GOLPH3L: variants seen among roughly 807,000 people sequenced by gnomAD.
GOLPH3L encodes golgi phosphoprotein 3 like.
GOLPH3L carries 22 observed loss-of-function variants against 30.3 expected under a neutral mutation model. That is an observed-to-expected ratio of 0.73 (90% CI 0.52 to 1.04). GOLPH3L has a LOEUF of 1.04. GOLPH3L is among the 50% of genes least tolerant of loss of function. The pLI is 0.00. For synonymous variants in GOLPH3L, 120 were observed against 128.2 expected, an observed-to-expected ratio of 0.94 and a Z score of 0.43; for missense variants, 303 against 345.8, an observed-to-expected ratio of 0.88 and a Z score of 0.98.
rs188688423 is a variant in GOLPH3L at position 150,649,496 on chromosome 1, T to C, written c.431-748A>G. ...GTGGAGAGCAATTACAAGGTGCTGC[T>C]AGCTCTATGGCACTGGTATGACAAA... On this transcript the variant is annotated intron_variant, in intron 4 of 4. Coordinates refer to ENST00000271732, the MANE Select transcript of GOLPH3L (RefSeq NM_018178.6). 2.6e-5 allele frequency among the ~76,000 whole-genome samples: 4 copies of C among 152,310 alleles called. No individual in the cohort carries two copies. The East Asian group carries it at 7.7e-4, about 29-fold the overall frequency.
chr1:150,696,151 T>TA (rs750131422), intron 1 of GOLPH3L, among the ~76,000 whole-genome samples: 5 of 152,170 alleles, frequency 3.3e-5, no homozygotes, highest in Admixed American at 6.5e-5. Context: ...CCTCTAGCAA[T>TA]ATTTCCCATT....
chr1:150,650,278 G>A lies in GOLPH3L; in HGVS notation c.431-1530C>T, dbSNP rs146696167. Among the ~76,000 whole-genome samples, 293 of 141,320 alleles carry A rather than the reference G, an allele frequency of 2.1e-3. 1 individual carries two copies. The highest frequency in any genetic ancestry group is 3.7e-3 in the Admixed American group (51 of 13,602). 92.7% of individuals were successfully genotyped at this position (141,320 alleles called of 152,430 possible). ...CTGACCCACTGGCAACACACAGGGA[G>A]TTAGGCCAAAAGATAAAAACAAGAA... is the stretch of plus-strand genomic sequence containing the variant. On this transcript the variant is annotated intron_variant, in intron 4 of 4. Coordinates refer to ENST00000271732, the MANE Select transcript of GOLPH3L (RefSeq NM_018178.6).
intron 2 of GOLPH3L, among the ~76,000 whole-genome samples, chr1:150,691,063 G>GC (rs1651198862): frequency 1.9e-4 from 28 of 151,192 alleles, no homozygotes; most frequent in Admixed American, 1.1e-3. Context: ...GGAGGCCAAG[G>GC]CAGGTGGATC....
At chr1:150,696,355 C>G (rs1478965966) in intron 1 of GOLPH3L, among the ~76,000 whole-genome samples, 1 of 152,148 alleles carries the variant, frequency 6.6e-6, no homozygotes, top group African/African-American at 2.4e-5. Context: ...CATGGCCACT[C>G]CCTCAGCTGT....
At chr1:150,684,956 C>A (rs758542313) in intron 2 of GOLPH3L, among the ~76,000 whole-genome samples, 1 of 152,150 alleles carries the variant, frequency 6.6e-6, no homozygotes, top group African/African-American at 2.4e-5. Context: ...GTGTGAGCCA[C>A]CATGCCCAGC....
intron 2 of GOLPH3L, 149 bp downstream of exon 2, chr1:150,694,507 G>T: frequency 1.9e-6 from 1 of 520,714 alleles, no homozygotes. Flanking sequence ...TCCAAGTATC[G>T]GTCACTGTCC....
intron 2 of GOLPH3L, among the ~76,000 whole-genome samples, chr1:150,672,050 A>G (rs1650660025): frequency 6.6e-6 from 1 of 152,074 alleles, no homozygotes; most frequent in South Asian, 2.1e-4. Flanking sequence ...TCACTTTTTA[A>G]AGGAAAATTT....
chr1:150,673,926 CAAAAAAAA>C (rs71086590), intron 2 of GOLPH3L, among the ~76,000 whole-genome samples: 1 of 98,666 alleles, frequency 1.0e-5, no homozygotes, highest in Non-Finnish European at 1.9e-5. Flanking sequence ...CTCCCATCTC[CAAAAAAAA>C]AAAAAAAAGA....
At chr1:150,657,279 T>C (rs954629595) in intron 4 of GOLPH3L, among the ~76,000 whole-genome samples, 2 of 152,244 alleles carry the variant, frequency 1.3e-5, no homozygotes, top group Non-Finnish European at 2.9e-5. Flanking sequence ...AATGGCTGAT[T>C]GCCTAGCTGC....
chr1:150,671,441 A>G (rs1284204417), intron 2 of GOLPH3L, among the ~76,000 whole-genome samples: 1 of 152,114 alleles, frequency 6.6e-6, no homozygotes, highest in Non-Finnish European at 1.5e-5. Flanking sequence ...CCTTATTCAA[A>G]CTTCCTTGAA....
At chr1:150,693,845 A>G (rs1446863602) in intron 2 of GOLPH3L, among the ~76,000 whole-genome samples, 5 of 67,334 alleles carry the variant, frequency 7.4e-5, no homozygotes, top group Non-Finnish European at 1.3e-4. Flanking sequence ...ATATATATAT[A>G]TATTTTTTTT....
chr1:150,689,605 C>G (rs899229537), intron 2 of GOLPH3L, among the ~76,000 whole-genome samples: 30 of 152,094 alleles, frequency 2.0e-4, no homozygotes, highest in Non-Finnish European at 3.5e-4. Context: ...ATTTAAATTT[C>G]TTGATTGTTT....
Position 150,694,638 on chromosome 1 carries a change from C to T in GOLPH3L, c.183+18G>A. On this transcript the variant is annotated intron_variant, in intron 2 of 4. Transcript: ENST00000271732. ...TTTAATAGTCTTTGAGATAGCCTAGCAAACCTAACTGCATTACCTCTTTAT... is the reference window on the plus strand; with the variant it reads ...TTTAATAGTCTTTGAGATAGCCTAGTAAACCTAACTGCATTACCTCTTTAT... 6.6e-7 allele frequency: 1 copy of T among 1,514,350 alleles called. No individual in the cohort carries two copies. Among genetic ancestry groups the T allele is most frequent in the Non-Finnish European group, 9.0e-7 (1 of 1,109,846 alleles). The allele number at this position is 1,514,350 out of a possible 1,614,324, so 93.8% of individuals were successfully genotyped here.
At chr1:150,655,607 A>C (rs1226715037) in intron 4 of GOLPH3L, among the ~76,000 whole-genome samples, 2 of 152,216 alleles carry the variant, frequency 1.3e-5, no homozygotes, top group African/African-American at 4.8e-5. Flanking sequence ...TCCAGAGCCT[A>C]TACCTTTAAA....
chr1:150,649,078 A>G (rs1377113643), intron 4 of GOLPH3L, among the ~76,000 whole-genome samples: 2 of 152,134 alleles, frequency 1.3e-5, no homozygotes, highest in African/African-American at 2.4e-5. Context: ...TTTCTACTCT[A>G]TATTGTGGAA....
intron 2 of GOLPH3L, among the ~76,000 whole-genome samples, chr1:150,682,933 GT>G (rs1650990779): frequency 6.6e-6 from 1 of 152,092 alleles, no homozygotes; most frequent in Non-Finnish European, 1.5e-5. Context: ...CCTTTTCCAT[GT>G]TCCTATAGCA....
intron 4 of GOLPH3L, among the ~76,000 whole-genome samples, chr1:150,658,652 G>A (rs1159137676): frequency 6.6e-6 from 1 of 152,162 alleles, no homozygotes. Context: ...GTCCCATAAG[G>A]GGATGTTTAG....
intron 2 of GOLPH3L, among the ~76,000 whole-genome samples, chr1:150,669,371 A>G (rs1246047593): frequency 6.6e-6 from 1 of 152,164 alleles, no homozygotes; most frequent in Non-Finnish European, 1.5e-5. Context: ...GGGAAAATAC[A>G]ATTATTTATA....
At chr1:150,684,648 A>G (rs1458225373) in intron 2 of GOLPH3L, among the ~76,000 whole-genome samples, 1 of 152,096 alleles carries the variant, frequency 6.6e-6, no homozygotes, top group East Asian at 1.9e-4. Context: ...CTATTTGTAC[A>G]CTAGACCTTC....
Sources: allele counts gnomAD v4.1 joint callset (sites outside exome capture counted in the v4.1 genomes callset), GRCh38; gene constraint gnomAD v4.1.1; transcripts MANE v1.5; gene names NCBI Gene and HGNC (gene_info 2026-07-23, HGNC 2026-07-21).